Variants in ITPK1 observed in about 807,000 individuals in gnomAD.
The protein encoded by ITPK1 is inositol-tetrakisphosphate 1-kinase, also known as inositol 1,3,4-trisphosphate 5/6-kinase.
In ITPK1, 21 loss-of-function variants were observed where a neutral mutation model predicts 45.3. That is an observed-to-expected ratio of 0.46 (90% CI 0.33 to 0.67). The LOEUF (loss-of-function observed/expected upper bound fraction) is 0.67, where lower values mean the gene tolerates loss of function less well. Among genes scored for constraint, ITPK1 ranks in the 30% least tolerant of loss-of-function variants. ITPK1 has a pLI of 0.02. For synonymous variants in ITPK1, 258 were observed against 253.6 expected (o/e 1.02, Z -0.16); for missense variants, 474 against 573.5 (o/e 0.83, Z 1.77).
chr14:92,946,298 C>T (rs762381740), intron 10 of ITPK1, 33 bp downstream of exon 10: 2 of 1,610,280 alleles, frequency 1.2e-6, no homozygotes, highest in South Asian at 2.2e-5. Context: ...TCTCTGGAGG[C>T]CGGTCAGTGG....
chr14:93,115,131 G>T lies in ITPK1; in HGVS notation c.33C>A (p.Gly11=), dbSNP rs1892888560. MQTFLKGKRV[G]YWLSEKKIKK... is the part of the protein sequence containing the mutation. ...TGATTTTCTTCTCGCTCAGCCAGTAGCCAACTCTCTTCCCTTTCAGAAAGG... is the reference window on the plus strand; with the variant it reads ...TGATTTTCTTCTCGCTCAGCCAGTATCCAACTCTCTTCCCTTTCAGAAAGG... The change falls in exon 2 of 11, where the codon GGC becomes GGA. Residue 11 remains glycine, a synonymous_variant. Transcript: ENST00000267615. The T allele has an allele frequency of 6.2e-7, 1 of 1,601,786 alleles. No homozygotes were observed. Among genetic ancestry groups the T allele is most frequent in the African/African-American group, 1.4e-5 (1 of 73,208 alleles).
At chr14:93,027,403 C>T (rs950638674) in intron 3 of ITPK1, among the ~76,000 whole-genome samples, 25 of 152,216 alleles carry the variant, frequency 1.6e-4, no homozygotes, top group Admixed American at 9.8e-4. Context: ...CCCAACTCTA[C>T]GCACTTCACA....
Position 92,941,208 on chromosome 14 carries a change from A to G in ITPK1, c.*353T>C. ...GGGTCCCGGTCCACAGTGGCCATGG[A>G]GACCAACAGACAGGGATGTGCACAG... is the stretch of plus-strand genomic sequence containing the variant. On this transcript the variant is annotated 3_prime_UTR_variant, in exon 11 of 11. Coordinates refer to ENST00000267615, the MANE Select transcript of ITPK1 (RefSeq NM_014216.6). 18 of 1,275,896 alleles carry G rather than the reference A, an allele frequency of 1.4e-5. No individual in the cohort carries two copies. The highest frequency in any genetic ancestry group is 1.8e-5 in the Non-Finnish European group (18 of 1,001,526). 79.0% of individuals were successfully genotyped at this position (1,275,896 alleles called of 1,614,324 possible).
intron 3 of ITPK1, among the ~76,000 whole-genome samples, chr14:93,027,667 C>T (rs61991662): frequency 0.13 from 19,870 of 152,240 alleles, 1,415 homozygotes; most frequent in Middle Eastern, 0.15. Flanking sequence ...CAGGACTCCT[C>T]TGCAGATCTC....
rs1180290117 is a variant in ITPK1, at chr14:93,034,089, T to C, written c.121-17288A>G. On this transcript the variant is annotated intron_variant, in intron 3 of 10. Transcript: ENST00000267615. The surrounding 1 kb of genome is among the most constrained non-coding windows in gnomAD (Gnocchi z 4.1). Reference sequence around the variant, plus strand: ...GGAGCCCCCAGCTCCCTATCCAAAGTGTAGCCCCAAAAGCCGTCTAATACT... The same window carrying C: ...GGAGCCCCCAGCTCCCTATCCAAAGCGTAGCCCCAAAAGCCGTCTAATACT... Among the ~76,000 whole-genome samples the C allele has an allele frequency of 6.6e-6, 1 of 151,684 alleles. No individual in the cohort carries two copies. Among genetic ancestry groups the C allele is most frequent in the Non-Finnish European group, 1.5e-5 (1 of 67,894 alleles).
At position 93,063,598 on chromosome 14, in the gene ITPK1, A is replaced by G. The variant is rs1253479238; in HGVS notation, c.120+12997T>C. Among the ~76,000 whole-genome samples, 1 of 152,180 alleles carries G rather than the reference A, an allele frequency of 6.6e-6. No individual in the cohort carries two copies. Among genetic ancestry groups the G allele is most frequent in the Non-Finnish European group, 1.5e-5 (1 of 68,022 alleles). On this transcript the variant is annotated intron_variant, in intron 3 of 10. Coordinates refer to ENST00000267615, the MANE Select transcript of ITPK1 (RefSeq NM_014216.6). The surrounding 1 kb of genome is among the most constrained non-coding windows in gnomAD (Gnocchi z 4.3). ...AGATGGGCCTCAGAGAGGTTGTGCC[A>G]CTACCCAGGACTGCACAGCCTTGGA...
chr14:93,112,002 G>A (rs541086828), intron 2 of ITPK1, among the ~76,000 whole-genome samples: 9 of 152,224 alleles, frequency 5.9e-5, no homozygotes, highest in South Asian at 2.1e-4. Context: ...GGCCCATGAA[G>A]TGGCTCTAAC....
chr14:93,029,320 G>A (rs1299984282), intron 3 of ITPK1, among the ~76,000 whole-genome samples: 2 of 152,038 alleles, frequency 1.3e-5, no homozygotes, highest in African/African-American at 2.4e-5. Context: ...CTGGACCCTT[G>A]GGGACCCTGA....
chr14:93,072,994 A>C (rs1407482109), intron 3 of ITPK1, among the ~76,000 whole-genome samples: 1 of 152,236 alleles, frequency 6.6e-6, no homozygotes, highest in Admixed American at 6.5e-5. Context: ...ATGACTGGCC[A>C]CTGTACTTGA....
At chr14:92,982,284 G>T (rs971751819) in intron 5 of ITPK1, among the ~76,000 whole-genome samples, 1 of 152,214 alleles carries the variant, frequency 6.6e-6, no homozygotes, top group Non-Finnish European at 1.5e-5. Context: ...CTGTGACTCG[G>T]TTCTGTTGCA....
At chr14:93,083,329 C>A (rs2139994525) in intron 2 of ITPK1, among the ~76,000 whole-genome samples, 1 of 152,248 alleles carries the variant, frequency 6.6e-6, no homozygotes. Flanking sequence ...TGCTGCTGAG[C>A]CGCTCGGGGT....
intron 3 of ITPK1, among the ~76,000 whole-genome samples, chr14:93,065,905 TCA>T (rs1890724053): frequency 6.6e-6 from 1 of 152,156 alleles, no homozygotes; most frequent in East Asian, 1.9e-4. Context: ...AGGCAAATGC[TCA>T]ACTGTTCCCC....
At chr14:93,013,684 T>C (rs1888030773) in intron 4 of ITPK1, among the ~76,000 whole-genome samples, 1 of 152,258 alleles carries the variant, frequency 6.6e-6, no homozygotes, top group African/African-American at 2.4e-5. Flanking sequence ...ACCCCAGCTC[T>C]GGGTGCTGCT....
At position 93,105,830 on chromosome 14, in the gene ITPK1, AGC is replaced by A; in HGVS notation, c.95+9237_95+9238del. On this transcript the variant is annotated intron_variant, in intron 2 of 10. Transcript: ENST00000267615. ...GCGTTTCTCCTGCCTCAGCCTCCCG[AGC>A]AGCTGGGATTACAGGTGCCAGTCAC... Among the ~76,000 whole-genome samples, 2 of 151,144 alleles carry A rather than the reference AGC, an allele frequency of 1.3e-5. 1 individual carries two copies. Among genetic ancestry groups the A allele is most frequent in the East Asian group, 3.9e-4 (2 of 5,122 alleles).
At chr14:93,085,717 G>A (rs1197697519) in intron 2 of ITPK1, among the ~76,000 whole-genome samples, 1 of 152,214 alleles carries the variant, frequency 6.6e-6, no homozygotes, top group Non-Finnish European at 1.5e-5. Flanking sequence ...TTCAGATCAG[G>A]AATCATCCTG....
chr14:93,059,016 C>A (rs1274193576), intron 3 of ITPK1, among the ~76,000 whole-genome samples: 1 of 7,440 alleles, frequency 1.3e-4, no homozygotes, highest in African/African-American at 7.4e-4. Context: ...GGGTGCGGAT[C>A]ATGAAGCAGG....
chr14:92,942,901 AC>A (rs1887503398), intron 10 of ITPK1, among the ~76,000 whole-genome samples: 1 of 152,254 alleles, frequency 6.6e-6, no homozygotes, highest in Non-Finnish European at 1.5e-5. Context: ...CTCTGGGACA[AC>A]ATTTACAACC....
chr14:93,043,575 C>T (rs556436060), intron 3 of ITPK1, among the ~76,000 whole-genome samples: 96 of 152,392 alleles, frequency 6.3e-4, no homozygotes, highest in African/African-American at 2.1e-3. Context: ...CCCAGCCCCA[C>T]CTACATGAAG....
In ITPK1 at chr14:93,096,264, A is replaced by G. The variant is rs563790505; in HGVS notation, c.95+18805T>C. Among the ~76,000 whole-genome samples, 4 of 152,334 alleles carry G rather than the reference A, an allele frequency of 2.6e-5. No individual in the cohort carries two copies. In the South Asian group the frequency reaches 6.2e-4, roughly 24 times the overall value. On this transcript the variant is annotated intron_variant, in intron 2 of 10. Transcript: ENST00000267615. ...TTTCTGACCTGTCAGCAGCAGCCAC[A>G]GCTCTCTCCTTGGGAAAGGTCTTCT... is the stretch of plus-strand genomic sequence containing the variant.
Sources: allele counts gnomAD v4.1 joint callset (sites outside exome capture counted in the v4.1 genomes callset), GRCh38; gene constraint gnomAD v4.1.1; non-coding constraint Gnocchi (gnomAD v3.1); transcripts MANE v1.5; gene names NCBI Gene and HGNC (gene_info 2026-07-23, HGNC 2026-07-21).